Variants in CDH18 observed in about 807,000 individuals in gnomAD.
CDH18 encodes the protein cadherin 18, also known as cadherin-18.
CDH18 carries 31 observed loss-of-function variants against 67.9 expected under a neutral mutation model. The observed-to-expected ratio is 0.46, with a 90% CI of 0.34 to 0.62. The LOEUF is 0.62. CDH18 is among the 20% of genes least tolerant of loss of function. The pLI, the probability that CDH18 is intolerant of heterozygous loss-of-function variation, is 0.01. For missense variants in CDH18, 890 were observed against 975.5 expected, an observed-to-expected ratio of 0.91 and a Z score of 1.17; for synonymous variants, 362 against 347.2, an observed-to-expected ratio of 1.04 and a Z score of -0.48.
chr5:20,403,901 C>A (rs919730806), intron 1 of CDH18, among the ~76,000 whole-genome samples: 28 of 152,260 alleles, frequency 1.8e-4, no homozygotes, highest in South Asian at 8.3e-4. Context: ...AAGCTTCTTC[C>A]AATATAAGAC....
chr5:19,506,047 G>T (rs1457870464), intron 10 of CDH18, among the ~76,000 whole-genome samples: 1 of 152,052 alleles, frequency 6.6e-6, no homozygotes, highest in Non-Finnish European at 1.5e-5. Flanking sequence ...TTAGTCTTGG[G>T]AGGGTGTATG....
rs914528262 is a variant in CDH18 at position 19,897,884 on chromosome 5, G to T, written c.-256-58642C>A. 1.1e-3 allele frequency among the ~76,000 whole-genome samples: 172 copies of T among 152,200 alleles called. 1 individual carries two copies. The highest frequency in any genetic ancestry group is 3.9e-3 in the African/African-American group (162 of 41,580). On this transcript the variant is annotated intron_variant, in intron 2 of 12. Coordinates refer to ENST00000382275, the MANE Select transcript of CDH18 (RefSeq NM_004934.5). Reference sequence around the variant, plus strand: ...AGAAGTCAGGAACCTTGTAGGGGGTGAACAGCAATTAGCATAGCATAATTT... The same window carrying T: ...AGAAGTCAGGAACCTTGTAGGGGGTTAACAGCAATTAGCATAGCATAATTT...
intron 2 of CDH18, among the ~76,000 whole-genome samples, chr5:20,191,643 G>C (rs1047200735): frequency 3.9e-5 from 6 of 151,940 alleles, no homozygotes; most frequent in Non-Finnish European, 8.8e-5. Flanking sequence ...GTTTGTTGAG[G>C]CTGATGGTTT....
intron 1 of CDH18, among the ~76,000 whole-genome samples, chr5:20,534,201 T>G (rs1245713344): frequency 6.6e-6 from 1 of 152,066 alleles, no homozygotes; most frequent in Non-Finnish European, 1.5e-5. Flanking sequence ...AAAGCTTTGG[T>G]ATTTGAACTA....
At chr5:19,735,419 C>T (rs533700287) in intron 4 of CDH18, among the ~76,000 whole-genome samples, 38 of 140,018 alleles carry the variant, frequency 2.7e-4, no homozygotes, top group South Asian at 9.0e-4. Context: ...TTTTTTGAGA[C>T]GGAGTCTCGC....
At chr5:20,091,988 A>T (rs570018723) in intron 2 of CDH18, among the ~76,000 whole-genome samples, 20 of 152,088 alleles carry the variant, frequency 1.3e-4, no homozygotes, top group Non-Finnish European at 2.2e-4. Flanking sequence ...GCCTCATGTA[A>T]TTTTGGAACC....
At chr5:19,956,184 C>T (rs551044101) in intron 2 of CDH18, among the ~76,000 whole-genome samples, 9 of 152,050 alleles carry the variant, frequency 5.9e-5, no homozygotes, top group Middle Eastern at 3.4e-3. Context: ...TCATTGCAAA[C>T]GGAGAATGTT....
chr5:20,152,104 T>A (rs1284307443), intron 2 of CDH18, among the ~76,000 whole-genome samples: 8 of 146,524 alleles, frequency 5.5e-5, no homozygotes, highest in African/African-American at 2.0e-4. Flanking sequence ...TTATTTTATA[T>A]TTTATAATTA....
chr5:20,197,592 T>G (rs1225727501), intron 2 of CDH18, among the ~76,000 whole-genome samples: 1 of 152,154 alleles, frequency 6.6e-6, no homozygotes, highest in Non-Finnish European at 1.5e-5. Context: ...GTGGCAGTGA[T>G]CATGATTTTG....
chr5:20,255,908 T>TAA (rs5866420), intron 1 of CDH18, among the ~76,000 whole-genome samples: 45,180 of 151,654 alleles, frequency 0.3, 7,368 homozygotes, highest in Non-Finnish European at 0.37. Flanking sequence ...TAAATGTTTA[T>TAA]GTTATTTTAA....
chr5:20,189,116 T>A (rs920887135), intron 2 of CDH18, among the ~76,000 whole-genome samples: 1 of 152,082 alleles, frequency 6.6e-6, no homozygotes, highest in Non-Finnish European at 1.5e-5. Flanking sequence ...TAAAGAGCTA[T>A]GGAAGAATAT....
chr5:20,357,466 C>A (rs931100112), intron 1 of CDH18, among the ~76,000 whole-genome samples: 1 of 152,062 alleles, frequency 6.6e-6, no homozygotes, highest in Non-Finnish European at 1.5e-5. Context: ...AACTAAATAA[C>A]TTTCTATTGT....
intron 1 of CDH18, among the ~76,000 whole-genome samples, chr5:20,530,548 CA>C (rs2126551804): frequency 6.6e-6 from 1 of 152,134 alleles, no homozygotes; most frequent in South Asian, 2.1e-4. Context: ...GCACATAGAC[CA>C]GTGGAACAGA....
At chr5:19,504,676 A>G (rs1364522328) in intron 10 of CDH18, among the ~76,000 whole-genome samples, 2 of 152,110 alleles carry the variant, frequency 1.3e-5, no homozygotes, top group Non-Finnish European at 2.9e-5. Flanking sequence ...CCTCCAACAC[A>G]TACAAATATA....
At chr5:20,104,818 C>T (rs1028547341) in intron 2 of CDH18, among the ~76,000 whole-genome samples, 4 of 152,040 alleles carry the variant, frequency 2.6e-5, no homozygotes, top group African/African-American at 9.7e-5. Context: ...GAAGCCTCCA[C>T]CTCTGAAACC....
At chr5:20,019,076 C>T (rs1042663545) in intron 2 of CDH18, among the ~76,000 whole-genome samples, 9 of 142,322 alleles carry the variant, frequency 6.3e-5, no homozygotes, top group Non-Finnish European at 1.2e-4. Context: ...GGATTACAGG[C>T]GTGAGCCACC....
chr5:20,316,149 G>A lies in CDH18; in HGVS notation c.-579-60644C>T, dbSNP rs187412885. Among the ~76,000 whole-genome samples the A allele has an allele frequency of 5.8e-3, 884 of 152,154 alleles. 5 individuals are homozygous for A. Among genetic ancestry groups the A allele is most frequent in the Non-Finnish European group, 7.7e-3 (526 of 67,946 alleles). The stretch of plus-strand genomic sequence containing the variant: ...CAATAAGATGAGAAGAAGCTTTCAA[G>A]ATTTAATACACTTCCAGTATATAAT... On this transcript the variant is annotated intron_variant, in intron 1 of 14. Coordinates refer to the CDH18 transcript ENST00000507958.
intron 3 of CDH18, among the ~76,000 whole-genome samples, chr5:19,798,538 G>T (rs1777091707): frequency 6.6e-6 from 1 of 151,744 alleles, no homozygotes; most frequent in African/African-American, 2.4e-5. Context: ...ATGAAATGAG[G>T]CTCTGCTTTC....
chr5:19,986,312 G>A (rs1799554386), intron 1 of CDH18, among the ~76,000 whole-genome samples: 3 of 152,142 alleles, frequency 2.0e-5, no homozygotes, highest in African/African-American at 7.2e-5. Context: ...GTCTGCACTG[G>A]ATACAGTTAC....
Sources: allele counts gnomAD v4.1 joint callset (sites outside exome capture counted in the v4.1 genomes callset), GRCh38; gene constraint gnomAD v4.1.1; transcripts MANE v1.5; gene names NCBI Gene and HGNC (gene_info 2026-07-23, HGNC 2026-07-21).